DLG2: variants seen among roughly 807,000 people sequenced by gnomAD.
DLG2 encodes disks large homolog 2.
Under a neutral mutation model 132.5 loss-of-function variants are expected in DLG2, and 45 were observed. The ratio of observed to expected loss-of-function variants is 0.34; its 90% CI spans 0.27 to 0.44. DLG2 has a LOEUF of 0.44. DLG2 is among the 20% of genes least tolerant of loss of function. DLG2 has a pLI of 1.00. For synonymous variants in DLG2, 424 were observed against 419.6 expected, an observed-to-expected ratio of 1.01 and a Z score of -0.13; for missense variants, 1,045 against 1,196.9, an observed-to-expected ratio of 0.87 and a Z score of 1.87.
At chr11:83,858,682 G>A (rs1342116559) in intron 16 of DLG2, among the ~76,000 whole-genome samples, 1 of 152,164 alleles carries the variant, frequency 6.6e-6, no homozygotes, top group Non-Finnish European at 1.5e-5. Flanking sequence ...AGTGATGTGT[G>A]TTTTACTGAC....
chr11:83,725,793 A>G (rs879911382), intron 18 of DLG2, among the ~76,000 whole-genome samples: 12 of 152,202 alleles, frequency 7.9e-5, no homozygotes, highest in Admixed American at 7.9e-4. Flanking sequence ...GCCAAAGCAC[A>G]GATGTTGATA....
intron 7 of DLG2, among the ~76,000 whole-genome samples, chr11:84,440,058 T>C (rs1253508832): frequency 6.6e-6 from 1 of 152,238 alleles, no homozygotes; most frequent in Non-Finnish European, 1.5e-5. Context: ...AGATCTTTGA[T>C]GTTTGATCAA....
At chr11:84,110,830 C>T (rs1325164780) in intron 9 of DLG2, among the ~76,000 whole-genome samples, 1 of 152,192 alleles carries the variant, frequency 6.6e-6, no homozygotes, top group African/African-American at 2.4e-5. Flanking sequence ...ATGACTGCCC[C>T]ACAGGCCAAC....
intron 6 of DLG2, among the ~76,000 whole-genome samples, chr11:84,565,052 C>T (rs2099446749): frequency 1.3e-5 from 2 of 152,158 alleles, no homozygotes; most frequent in Non-Finnish European, 1.5e-5. Context: ...CCTGATATTA[C>T]TCCTTCCTGA....
intron 7 of DLG2, among the ~76,000 whole-genome samples, chr11:84,450,922 A>G (rs187970429): frequency 2.2e-4 from 33 of 152,004 alleles, no homozygotes; most frequent in Admixed American, 1.8e-3. Flanking sequence ...TGAAAGAAGA[A>G]ATAACATAGG....
chr11:84,575,609 A>G (rs539124009), intron 6 of DLG2, among the ~76,000 whole-genome samples: 1 of 152,358 alleles, frequency 6.6e-6, no homozygotes, highest in South Asian at 2.1e-4. Flanking sequence ...TGATACAGGC[A>G]TGCAATGCAT....
intron 6 of DLG2, among the ~76,000 whole-genome samples, chr11:84,987,472 G>A (rs1225936883): frequency 6.6e-6 from 1 of 152,000 alleles, no homozygotes; most frequent in African/African-American, 2.4e-5. Flanking sequence ...GCAAGACTAA[G>A]CAAAAAGAAC....
chr11:85,264,108 C>T (rs1248864248), intron 4 of DLG2, among the ~76,000 whole-genome samples: 1 of 152,162 alleles, frequency 6.6e-6, no homozygotes, highest in African/African-American at 2.4e-5. Context: ...TTAGCTGTCT[C>T]TCAGACAATT....
chr11:83,968,028 T>C (rs931830590), intron 12 of DLG2, among the ~76,000 whole-genome samples: 1 of 152,198 alleles, frequency 6.6e-6, no homozygotes, highest in Non-Finnish European at 1.5e-5. Context: ...TGACCATATA[T>C]GTTTGAATTT....
chr11:84,591,221 C>CTCTCTGTG lies in DLG2; in HGVS notation c.358-56491_358-56490insCACAGAGA, dbSNP rs1555073557. On this transcript the variant is annotated intron_variant, in intron 6 of 27. Coordinates refer to ENST00000376104, the MANE Select transcript of DLG2 (RefSeq NM_001142699.3). ...TATAAACACTGCTATATATGTGTCTCTCTGTGTGTGTGTGTGTGTGTGTGT... is the reference window on the plus strand; with the variant it reads ...TATAAACACTGCTATATATGTGTCTCTCTCTGTGTCTGTGTGTGTGTGTGTGTGTGTGT... Among the ~76,000 whole-genome samples the CTCTCTGTG allele has an allele frequency of 5.5e-4, 14 of 25,488 alleles. No homozygotes were observed. In the South Asian group the frequency reaches 0.029, roughly 52 times the overall value. 16.7% of individuals were successfully genotyped at this position (25,488 alleles called of 152,430 possible).
intron 7 of DLG2, among the ~76,000 whole-genome samples, chr11:84,493,626 T>C (rs564319730): frequency 7.2e-4 from 109 of 152,222 alleles, no homozygotes; most frequent in Non-Finnish European, 1.3e-3. Flanking sequence ...TCAAACTTGA[T>C]TCAAATCCCA....
intron 7 of DLG2, among the ~76,000 whole-genome samples, chr11:84,452,198 C>T (rs2099053574): frequency 1.3e-5 from 2 of 150,950 alleles, no homozygotes; most frequent in South Asian, 2.1e-4. Flanking sequence ...AGGAGGACGA[C>T]GATGAAGACT....
chr11:84,546,138 T>C lies in DLG2; in HGVS notation c.358-11407A>G, dbSNP rs139465009. On this transcript the variant is annotated intron_variant, in intron 6 of 27. Transcript: ENST00000376104. The stretch of plus-strand genomic sequence containing the variant: ...TTCCCACCCAAATCTCAAGTTGAAA[T>C]GTAGTCCCTACTGCTGGAGGTGGGG... Among the ~76,000 whole-genome samples the C allele has an allele frequency of 1.7e-3, 257 of 152,286 alleles. 1 individual carries two copies. The highest frequency in any genetic ancestry group is 6.0e-3 in the African/African-American group (250 of 41,562).
intron 16 of DLG2, among the ~76,000 whole-genome samples, chr11:83,836,978 G>C (rs1477425396): frequency 6.6e-6 from 1 of 152,128 alleles, no homozygotes; most frequent in Non-Finnish European, 1.5e-5. Flanking sequence ...GGTGGGAGTA[G>C]AAGTTCAGCT....
intron 7 of DLG2, among the ~76,000 whole-genome samples, chr11:84,453,156 A>G (rs2099056320): frequency 6.6e-6 from 1 of 151,642 alleles, no homozygotes; most frequent in Non-Finnish European, 1.5e-5. Flanking sequence ...TGAAGACATC[A>G]AGTAAGCCAC....
At chr11:85,434,939 C>T (rs549569769) in intron 3 of DLG2, among the ~76,000 whole-genome samples, 10 of 152,126 alleles carry the variant, frequency 6.6e-5, no homozygotes, top group South Asian at 4.1e-4. Flanking sequence ...ACTGGCAAAA[C>T]GAATCCAGCA....
intron 5 of DLG2, among the ~76,000 whole-genome samples, chr11:85,128,041 A>G (rs569378439): frequency 1.9e-4 from 29 of 152,288 alleles, no homozygotes; most frequent in African/African-American, 7.0e-4. Context: ...AAACAGATGT[A>G]GTATTAACTA....
intron 7 of DLG2, among the ~76,000 whole-genome samples, chr11:84,358,205 C>T (rs1161485095): frequency 6.6e-6 from 1 of 151,814 alleles, no homozygotes; most frequent in East Asian, 1.9e-4. Flanking sequence ...GCAGCTATGT[C>T]CTTTGCAGTG....
chr11:83,877,299 C>T (rs892356519), intron 15 of DLG2, among the ~76,000 whole-genome samples: 79 of 152,128 alleles, frequency 5.2e-4, no homozygotes, highest in African/African-American at 1.9e-3. Context: ...TACTTATTGG[C>T]TAATTGTATA....
Sources: allele counts gnomAD v4.1 joint callset (sites outside exome capture counted in the v4.1 genomes callset), GRCh38; gene constraint gnomAD v4.1.1; transcripts MANE v1.5; gene names NCBI Gene and HGNC (gene_info 2026-07-23, HGNC 2026-07-21).